The following ATRNL1 variants were observed in gnomAD, a reference collection of about 807,000 sequenced individuals.
ATRNL1 encodes attractin like 1, also known as attractin-like protein 1.
ATRNL1 carries 95 observed loss-of-function variants against 182.7 expected under a neutral mutation model. The observed-to-expected ratio is 0.52, with a 90% CI of 0.44 to 0.62. ATRNL1 has a LOEUF of 0.62. Among genes scored for constraint, ATRNL1 ranks in the 20% least tolerant of loss-of-function variants. The pLI is 0.00. For missense variants in ATRNL1, 1,471 were observed against 1,679.5 expected (o/e 0.88, Z 2.17); for synonymous variants, 576 against 568.3 (o/e 1.01, Z -0.19).
intron 21 of ATRNL1, among the ~76,000 whole-genome samples, chr10:115,459,192 C>T (rs1234167767): frequency 6.6e-6 from 1 of 152,076 alleles, no homozygotes; most frequent in Non-Finnish European, 1.5e-5. Context: ...ATTGCGTTAA[C>T]TACACAAATT....
chr10:115,162,005 A>G (rs1554883414), intron 6 of ATRNL1, among the ~76,000 whole-genome samples: 1 of 152,114 alleles, frequency 6.6e-6, no homozygotes, highest in Non-Finnish European at 1.5e-5. Flanking sequence ...GAATATATAT[A>G]CATTAACATT....
chr10:115,704,684 G>A lies in ATRNL1; in HGVS notation c.3796-22564G>A, dbSNP rs1427873417. Among the ~76,000 whole-genome samples the A allele has an allele frequency of 2.2e-4, 33 of 151,746 alleles. 1 individual carries two copies. The highest frequency in any genetic ancestry group is 2.1e-3 in the Admixed American group (32 of 15,160). On this transcript the variant is annotated intron_variant, in intron 26 of 28. Transcript: ENST00000355044. ...CACACCTAGGTTCGCCATCCCTATAGAATACTTTTTGTGATATGGGGTATA... is the reference window on the plus strand; with the variant it reads ...CACACCTAGGTTCGCCATCCCTATAAAATACTTTTTGTGATATGGGGTATA...
intron 27 of ATRNL1, among the ~76,000 whole-genome samples, chr10:115,829,470 C>T (rs1306262011): frequency 6.8e-6 from 1 of 146,836 alleles, no homozygotes. Flanking sequence ...GCAGTCTCTT[C>T]AGGAGATTTC....
chr10:115,589,318 C>T (rs1295580965), intron 26 of ATRNL1, among the ~76,000 whole-genome samples: 1 of 152,100 alleles, frequency 6.6e-6, no homozygotes, highest in Non-Finnish European at 1.5e-5. Context: ...AAATTAATTA[C>T]TCTTTGATCA....
chr10:115,839,473 A>G (rs940125246), intron 27 of ATRNL1, among the ~76,000 whole-genome samples: 1 of 152,074 alleles, frequency 6.6e-6, no homozygotes, highest in Admixed American at 6.6e-5. Context: ...TCTTTACAGA[A>G]TATTTCCTAG....
At chr10:115,643,605 T>A (rs1481384011) in intron 26 of ATRNL1, among the ~76,000 whole-genome samples, 5 of 152,112 alleles carry the variant, frequency 3.3e-5, no homozygotes. Context: ...AAAACAAAAA[T>A]GATGCAGTTT....
chr10:115,871,344 CTTT>C (rs34110588), intron 28 of ATRNL1, among the ~76,000 whole-genome samples: 1 of 141,718 alleles, frequency 7.1e-6, no homozygotes, highest in Admixed American at 7.1e-5. Flanking sequence ...CCTTTTAGGA[CTTT>C]TTTTTTTTTG....
chr10:115,864,628 T>C (rs1555104256), intron 28 of ATRNL1, among the ~76,000 whole-genome samples: 1 of 152,182 alleles, frequency 6.6e-6, no homozygotes, highest in Non-Finnish European at 1.5e-5. Flanking sequence ...ACATGTTGCA[T>C]GGAGAAGAGC....
intron 8 of ATRNL1, among the ~76,000 whole-genome samples, chr10:115,175,620 A>C (rs1418975416): frequency 6.6e-6 from 1 of 152,098 alleles, no homozygotes; most frequent in African/African-American, 2.4e-5. Flanking sequence ...GAGTTTTATA[A>C]GAATAATAGA....
chr10:115,800,462 T>C lies in ATRNL1; in HGVS notation c.3904-47415T>C, dbSNP rs577063035. On this transcript the variant is annotated intron_variant, in intron 27 of 28. Transcript: ENST00000355044. ...AAACAGAAAGAGAAGGGGAGAAAGA[T>C]ATGTTTGACAGAAAAGTAAATGAAG... Among the ~76,000 whole-genome samples the C allele has an allele frequency of 7.2e-5, 11 of 152,002 alleles. No homozygotes were observed. The South Asian group carries it at 1.5e-3, about 20-fold the overall frequency.
chr10:115,270,533 T>C (rs553924603), intron 13 of ATRNL1, among the ~76,000 whole-genome samples: 1 of 151,462 alleles, frequency 6.6e-6, no homozygotes, highest in Admixed American at 6.6e-5. Flanking sequence ...GGATCTGCCG[T>C]CTGCAAACTG....
chr10:115,742,986 T>C (rs1948181646), intron 27 of ATRNL1, among the ~76,000 whole-genome samples: 1 of 152,040 alleles, frequency 6.6e-6, no homozygotes, highest in African/African-American at 2.4e-5. Context: ...GAAGCAAATA[T>C]GTCCTTCTCC....
intron 10 of ATRNL1, among the ~76,000 whole-genome samples, chr10:115,256,367 A>G (rs1359345005): frequency 1.2e-4 from 19 of 152,032 alleles, no homozygotes; most frequent in Non-Finnish European, 2.4e-4. Context: ...TAGTCTCGGG[A>G]GGGTGTATGT....
chr10:115,389,540 G>GTGTA (rs1279140127), intron 19 of ATRNL1, among the ~76,000 whole-genome samples: 7 of 44,486 alleles, frequency 1.6e-4, no homozygotes, highest in African/African-American at 3.0e-4. Flanking sequence ...ATGTGTATGT[G>GTGTA]TATATATATA....
intron 1 of ATRNL1, among the ~76,000 whole-genome samples, chr10:115,095,613 TA>T (rs1354365948): frequency 9.2e-5 from 14 of 152,208 alleles, no homozygotes; most frequent in Admixed American, 2.0e-4. Flanking sequence ...AAATACTTTT[TA>T]AAAAAATTAG....
At chr10:115,381,483 G>A (rs10885700) in intron 19 of ATRNL1, among the ~76,000 whole-genome samples, 32,880 of 130,120 alleles carry the variant, frequency 0.25, 4,875 homozygotes, top group Non-Finnish European at 0.36. Context: ...ATGTTGGCCA[G>A]GCTGGTCTCA....
chr10:115,497,168 C>T (rs1278039808), intron 24 of ATRNL1, among the ~76,000 whole-genome samples: 3 of 152,106 alleles, frequency 2.0e-5, no homozygotes, highest in African/African-American at 7.2e-5. Flanking sequence ...AATACTTGTG[C>T]TTGCATTATG....
chr10:115,480,918 T>C (rs1430195920), intron 24 of ATRNL1, among the ~76,000 whole-genome samples: 10 of 151,044 alleles, frequency 6.6e-5, no homozygotes, highest in Admixed American at 4.0e-4. Flanking sequence ...AAATGTAAAA[T>C]CTGCTTTTCT....
chr10:115,842,112 T>G (rs1950823339), intron 27 of ATRNL1, among the ~76,000 whole-genome samples: 1 of 121,382 alleles, frequency 8.2e-6, no homozygotes, highest in African/African-American at 2.6e-5. Context: ...TTGTTTGCAT[T>G]TTTAATATTT....
Sources: gnomAD v4.1 joint callset for allele counts (sites outside exome capture counted in the v4.1 genomes callset) on GRCh38, gnomAD v4.1.1 for gene constraint, MANE v1.5 for transcripts, NCBI Gene and HGNC (gene_info 2026-07-23, HGNC 2026-07-21) for gene names.